Variants in MEFV observed in about 807,000 individuals in gnomAD.
The protein encoded by MEFV is pyrin.
Under a neutral mutation model 62.5 loss-of-function variants are expected in MEFV, and 60 were observed. That is an observed-to-expected ratio of 0.96 (90% confidence interval 0.78 to 1.19). The LOEUF (loss-of-function observed/expected upper bound fraction) is 1.19, where lower values mean the gene tolerates loss of function less well. Ranked by LOEUF, MEFV falls within the 50% of genes most tolerant of loss-of-function variation. MEFV has a pLI of 0.00. For missense variants in MEFV, 1,169 were observed against 1,004.5 expected (o/e 1.16, Z -2.21); for synonymous variants, 500 against 415.2 (o/e 1.20, Z -2.48).
intron 5 of MEFV, 129 bp downstream of exon 5, chr16:3,246,887 G>A: frequency 1.1e-6 from 1 of 926,892 alleles, no homozygotes; most frequent in East Asian, 2.6e-5. Context: ...GGGTCACCAA[G>A]ACCAAGTCCT....
chr16:3,248,390 G>C (rs1381966281), intron 4 of MEFV: 2 of 165,052 alleles, frequency 1.2e-5, no homozygotes, highest in African/African-American at 4.8e-5. Flanking sequence ...AGGAGTTCGA[G>C]AACAGCCTGA....
intron 6 of MEFV, 109 bp downstream of exon 6, chr16:3,246,416 C>T: frequency 7.7e-7 from 1 of 1,305,692 alleles, no homozygotes; most frequent in Non-Finnish European, 1.1e-6. Context: ...AGTCTGGAAT[C>T]ACAGACCCCG....
chr16:3,248,551 C>T, intron 4 of MEFV: 1 of 351,680 alleles, frequency 2.8e-6, no homozygotes, highest in Non-Finnish European at 5.3e-6. Flanking sequence ...GATCACACCA[C>T]TGCACTACAA....
chr16:3,245,471 G>C (rs1435435576), intron 6 of MEFV, among the ~76,000 whole-genome samples: 2 of 151,856 alleles, frequency 1.3e-5, no homozygotes, highest in South Asian at 2.1e-4. Flanking sequence ...GTGAAACCCT[G>C]TCTACCAAAA....
rs60407399 is a variant in MEFV at position 3,242,361 on chromosome 16, CA to C, written c.*779del. On this transcript the variant is annotated 3_prime_UTR_variant, in exon 10 of 10. Transcript: ENST00000219596. ...GGGTGACAAGAGCAAAACTTTGTCT[CA>C]AAAAAAAAAAAAAAAAAGAATCATA... The C allele has an allele frequency of 0.12, 9,078 of 73,234 alleles. 819 individuals carry two copies. Among genetic ancestry groups the C allele is most frequent in the East Asian group, 0.3 (848 of 2,858 alleles). 4.5% of individuals were successfully genotyped at this position (73,234 alleles called of 1,614,324 possible). A position where few individuals can be genotyped will look rare whatever the true frequency, so the allele number is the denominator to read the frequency against.
Position 3,243,529 on chromosome 16 carries a change from C to A in MEFV, c.1958G>T (p.Arg653Leu). Residue 653 changes from arginine to leucine, a missense_variant, in exon 10 of 10, where the codon CGT (arginine) becomes CTT (leucine). Transcript: ENST00000219596. ...LGSPSFLSGR[R>L]YWEVEVGDKT... ...GTCTCCAACCTCCACCTCCCAGTAA[C>A]GGCGGCCAGAGAGGAAACTCGGAGA... The A allele has an allele frequency of 1.2e-6, 2 of 1,613,848 alleles. No individual in the cohort carries two copies. The highest frequency in any genetic ancestry group is 1.7e-6 in the Non-Finnish European group (2 of 1,179,856).
At position 3,243,570 on chromosome 16, in the gene MEFV, A is replaced by T; in HGVS notation, c.1917T>A (p.Cys639Ter). The T allele has an allele frequency of 6.2e-7, 1 of 1,609,754 alleles. No homozygotes were observed. Among genetic ancestry groups the T allele is most frequent in the Non-Finnish European group, 8.5e-7 (1 of 1,177,424 alleles). The change falls in exon 10 of 10, where the codon TGT becomes TGA. Residue 639 changes from cysteine to a stop codon, truncating the protein, a stop_gained. Coordinates refer to ENST00000219596, the MANE Select transcript of MEFV (RefSeq NM_000243.3). LOFTEE classifies it low-confidence loss of function (END_TRUNC). ...AACTCGGAGAGCCCAGAACAATGAT[A>T]CAGCTGTCAAATCTTTGCGGGCCAT... Reference protein sequence around the residue: ...LPDGPQRFDSCIIVLGSPSFL... With the variant: ...LPDGPQRFDS
At chr16:3,255,013 C>G (rs1254644895) in intron 1 of MEFV, among the ~76,000 whole-genome samples, 2 of 152,150 alleles carry the variant, frequency 1.3e-5, no homozygotes. Flanking sequence ...GAAACCCCGT[C>G]TCTACTAAAA....
At chr16:3,254,025 C>A (rs1959075447) in intron 2 of MEFV, 133 bp downstream of exon 2, 3 of 989,506 alleles carry the variant, frequency 3.0e-6, no homozygotes, top group Non-Finnish European at 4.6e-6. Context: ...CCAGGCTGGT[C>A]TCAAAGTCTT....
chr16:3,243,378 G>A lies in MEFV; in HGVS notation c.2109C>T (p.Ser703=), dbSNP rs104895118. Residue 703 remains serine, a synonymous_variant, in exon 10 of 10, where the codon AGC becomes AGT. Transcript: ENST00000219596. The stretch of plus-strand genomic sequence containing the variant: ...TTATTAGCAGGCGGGTCGGGGGAAC[G>A]CTGGACGCCTGGTACTCATTTTCCT... ...MMKENEYQAS[S]VPPTRLLIKE... The A allele has an allele frequency of 6.8e-5, 110 of 1,614,162 alleles. No individual in the cohort carries two copies. The highest frequency in any genetic ancestry group is 8.0e-5 in the Non-Finnish European group (94 of 1,180,036).
In MEFV at chr16:3,243,413, T is replaced by C; in HGVS notation, c.2074A>G (p.Ile692Val). ...LSPENGYWVV[I>V]MMKENEYQAS... ...TGGTACTCATTTTCCTTCATCATTA[T>C]CACCACCCAGTAGCCATTCTCTGGC... Residue 692 changes from isoleucine (I) to valine (V), a missense_variant, in exon 10 of 10, where the codon ATA becomes GTA. Coordinates refer to ENST00000219596, the MANE Select transcript of MEFV (RefSeq NM_000243.3). The C allele has an allele frequency of 6.2e-7, 1 of 1,614,170 alleles. No individual in the cohort carries two copies. The highest frequency in any genetic ancestry group is 8.5e-7 in the Non-Finnish European group (1 of 1,180,034).
At chr16:3,250,409 G>A (rs1959014311) in intron 2 of MEFV, among the ~76,000 whole-genome samples, 1 of 152,074 alleles carries the variant, frequency 6.6e-6, no homozygotes, top group African/African-American at 2.4e-5. Context: ...AGGAGTTTGA[G>A]ACCAGCCTGG....
In MEFV at chr16:3,247,099, C is replaced by T. The variant is rs140462252; in HGVS notation, c.1504G>A (p.Val502Ile). The T allele has an allele frequency of 7.2e-5, 117 of 1,614,164 alleles. No individual in the cohort carries two copies. In the African/African-American group the frequency reaches 1.2e-3, roughly 17 times the overall value. The part of the protein sequence containing the change: ...GQIRKAYDTR[V>I]SQDIALLDAL... ...TCGAGCAGGGCGATGTCCTGGGATA[C>T]GCGGGTGTCATATGCCTTCCTGATC... The change falls in exon 5 of 10, where the codon GTA becomes ATA. Residue 502 changes from valine to isoleucine, a missense_variant. Transcript: ENST00000219596.
Position 3,242,995 on chromosome 16 carries a change from A to C in MEFV, c.*146T>G. 1 of 871,856 alleles carries C rather than the reference A, an allele frequency of 1.1e-6. No homozygotes were observed. Among genetic ancestry groups the C allele is most frequent in the Admixed American group, 2.1e-5 (1 of 48,658 alleles). 54.0% of individuals were successfully genotyped at this position (871,856 alleles called of 1,614,324 possible). On this transcript the variant is annotated 3_prime_UTR_variant, in exon 10 of 10. Transcript: ENST00000219596. ...TCGTTCCTAACTTACCTCTGCTATA[A>C]TCGGGTAGGCTCCGTGGGCACAGTA...
intron 4 of MEFV, 60 bp from the exon 5 acceptor site, chr16:3,247,306 A>T: frequency 6.6e-7 from 1 of 1,508,226 alleles, no homozygotes; most frequent in Admixed American, 1.7e-5. Context: ...GTGGATGTCC[A>T]GGAACCCCCA....
rs11466016 is a variant in MEFV at position 3,256,491 on chromosome 16, C to A, written c.97G>T (p.Val33Leu). The A allele has an allele frequency of 3.9e-4, 622 of 1,614,194 alleles. 5 individuals are homozygous for A. The African/African-American group carries it at 7.6e-3, about 20-fold the overall frequency. ...GGGATCCTGGAGTGCTCCTTCTGCACACTGGTGTTCTGCAGCTTGAACTTG... is the reference window on the plus strand; with the variant it reads ...GGGATCCTGGAGTGCTCCTTCTGCAAACTGGTGTTCTGCAGCTTGAACTTG... ...KFKFKLQNTSVQKEHSRIPRS... is the reference protein window; with the variant it reads ...KFKFKLQNTSLQKEHSRIPRS... The change falls in exon 1 of 10, where the codon GTG becomes TTG. Residue 33 changes from valine to leucine, a missense_variant. Transcript: ENST00000219596.
At chr16:3,246,139 T>C (rs929581221) in intron 6 of MEFV, among the ~76,000 whole-genome samples, 1 of 152,166 alleles carries the variant, frequency 6.6e-6, no homozygotes, top group Non-Finnish European at 1.5e-5. Flanking sequence ...TCCCCTCCCC[T>C]TCCTGCTGGG....
At position 3,244,608 on chromosome 16, in the gene MEFV, G is replaced by C. The variant is rs1958911511; in HGVS notation, c.1611-20C>G. On this transcript the variant is annotated intron_variant, in intron 6 of 9. Transcript: ENST00000219596. ...TTAGCCCTAGAGACAAAAGACTGTT[G>C]ACCAGAGAAGGCCGGAGCGAGGGGG... is the stretch of plus-strand genomic sequence containing the variant. 2.5e-6 allele frequency: 4 copies of C among 1,594,540 alleles called. No individual in the cohort carries two copies. The highest frequency in any genetic ancestry group is 3.4e-6 in the Non-Finnish European group (4 of 1,163,256).
Position 3,249,339 on chromosome 16 carries a change from C to A in MEFV, c.1260+92G>T. 2.5e-6 allele frequency: 3 copies of A among 1,188,406 alleles called. No individual in the cohort carries two copies. The South Asian group carries it at 3.7e-5, about 15-fold the overall frequency. The allele number at this position is 1,188,406 out of a possible 1,614,324, so 73.6% of individuals were successfully genotyped here. A position where few individuals can be genotyped will look rare whatever the true frequency, so the allele number is the denominator to read the frequency against. On this transcript the variant is annotated intron_variant, in intron 3 of 9. Coordinates refer to ENST00000219596, the MANE Select transcript of MEFV (RefSeq NM_000243.3). The stretch of plus-strand genomic sequence containing the variant: ...TCCAGCCCAAGAATGCTGGTTAATG[C>A]ACCAACAACCCAGAGTTGTTGGGAA...
Sources: gnomAD v4.1 joint callset for allele counts (sites outside exome capture counted in the v4.1 genomes callset) on GRCh38, gnomAD v4.1.1 for gene constraint, MANE v1.5 for transcripts, NCBI Gene and HGNC (gene_info 2026-07-23, HGNC 2026-07-21) for gene names.